The following BMP5 variants were observed in gnomAD, a reference collection of about 807,000 sequenced individuals.
BMP5 encodes bone morphogenetic protein 5.
BMP5 carries 23 observed loss-of-function variants against 46.6 expected under a neutral mutation model. The observed-to-expected ratio is 0.49, with a 90% CI of 0.35 to 0.70. The LOEUF (loss-of-function observed/expected upper bound fraction) is 0.70, where lower values mean the gene tolerates loss of function less well. Among genes scored for constraint, BMP5 ranks in the 30% least tolerant of loss-of-function variants. BMP5 has a pLI of 0.00. For synonymous variants in BMP5, 204 were observed against 191.9 expected (o/e 1.06, Z -0.52); for missense variants, 545 against 565.6 (o/e 0.96, Z 0.37).
intron 3 of BMP5, among the ~76,000 whole-genome samples, chr6:55,782,025 GA>G (rs940633902): frequency 2.0e-4 from 30 of 149,540 alleles, no homozygotes; most frequent in African/African-American, 6.1e-4. Context: ...TAAAGAAAGT[GA>G]AAAAAAAAGT....
At chr6:55,762,156 CTTGTG>C (rs1340631167) in intron 4 of BMP5, among the ~76,000 whole-genome samples, 3 of 152,010 alleles carry the variant, frequency 2.0e-5, no homozygotes, top group East Asian at 3.9e-4. Flanking sequence ...TCATTCTTGT[CTTGTG>C]TTGGGTTTGC....
chr6:55,862,262 A>G (rs1777541377), intron 1 of BMP5, among the ~76,000 whole-genome samples: 1 of 152,228 alleles, frequency 6.6e-6, no homozygotes, highest in South Asian at 2.1e-4. Context: ...ACCAGGAAAG[A>G]GTAAGGAAGT....
chr6:55,756,626 T>TA (rs564555761), intron 6 of BMP5, among the ~76,000 whole-genome samples: 7 of 151,898 alleles, frequency 4.6e-5, no homozygotes, highest in Non-Finnish European at 1.0e-4. Flanking sequence ...TACAGCCTCT[T>TA]ACAGTTTTGG....
intron 2 of BMP5, among the ~76,000 whole-genome samples, 157 bp from the exon 3 acceptor site, chr6:55,794,584 A>C (rs1027107235): frequency 5.3e-5 from 8 of 152,378 alleles, no homozygotes; most frequent in African/African-American, 1.9e-4. Flanking sequence ...GTAATAAGAT[A>C]CAAAACCTTT....
intron 2 of BMP5, among the ~76,000 whole-genome samples, chr6:55,799,666 A>T (rs1775797044): frequency 6.6e-6 from 1 of 152,176 alleles, no homozygotes; most frequent in Non-Finnish European, 1.5e-5. Flanking sequence ...TTCTGCCTTT[A>T]GGTCAAACAA....
intron 1 of BMP5, among the ~76,000 whole-genome samples, chr6:55,858,010 T>A (rs1777440382): frequency 1.3e-5 from 2 of 152,356 alleles, no homozygotes; most frequent in African/African-American, 4.8e-5. Context: ...AGTGCTGGGA[T>A]GACAGGCATG....
chr6:55,788,173 A>T (rs572532439), intron 3 of BMP5, among the ~76,000 whole-genome samples: 13 of 151,782 alleles, frequency 8.6e-5, no homozygotes, highest in African/African-American at 1.4e-4. Flanking sequence ...TTTTATGCTA[A>T]TGTTGGCCAG....
At chr6:55,859,152 A>G (rs144402437) in intron 1 of BMP5, among the ~76,000 whole-genome samples, 1 of 152,340 alleles carries the variant, frequency 6.6e-6, no homozygotes, top group East Asian at 1.9e-4. Context: ...AAAGTTTAAA[A>G]AGGTATAGGA....
chr6:55,769,441 T>C (rs1774995635), intron 4 of BMP5, among the ~76,000 whole-genome samples: 1 of 151,932 alleles, frequency 6.6e-6, no homozygotes, highest in African/African-American at 2.4e-5. Context: ...TATTATGAGA[T>C]TGCAGCAATC....
At position 55,834,430 on chromosome 6, in the gene BMP5, G is replaced by A. The variant is rs112477585; in HGVS notation, c.491-14583C>T. ...GATATTCATGTATGTAACATGCCTT[G>A]CCTCTTATCTCTGACATAGAAGGCC... On this transcript the variant is annotated intron_variant, in intron 1 of 6. Coordinates refer to ENST00000370830, the MANE Select transcript of BMP5 (RefSeq NM_021073.4). 7.9e-3 allele frequency among the ~76,000 whole-genome samples: 1,204 copies of A among 152,028 alleles called. 16 individuals carry two copies. Among genetic ancestry groups the A allele is most frequent in the African/African-American group, 0.028 (1,154 of 41,452 alleles).
intron 1 of BMP5, among the ~76,000 whole-genome samples, chr6:55,847,431 G>T (rs1777124168): frequency 6.6e-6 from 1 of 151,848 alleles, no homozygotes; most frequent in Non-Finnish European, 1.5e-5. Flanking sequence ...AGTAATGTAG[G>T]CATACAACAG....
chr6:55,848,541 G>C (rs1777150854), intron 1 of BMP5, among the ~76,000 whole-genome samples: 1 of 151,926 alleles, frequency 6.6e-6, no homozygotes, highest in South Asian at 2.1e-4. Context: ...TATCTCATTT[G>C]CTGCTGTAAC....
intron 2 of BMP5, among the ~76,000 whole-genome samples, chr6:55,813,061 A>G (rs967145748): frequency 2.6e-5 from 4 of 152,144 alleles, no homozygotes; most frequent in African/African-American, 9.6e-5. Context: ...ATTTATCTTC[A>G]TTTCCTATGA....
intron 2 of BMP5, among the ~76,000 whole-genome samples, chr6:55,808,764 T>A (rs551679379): frequency 1.5e-4 from 23 of 152,296 alleles, no homozygotes; most frequent in Admixed American, 3.9e-4. Flanking sequence ...ACCCCACTGC[T>A]CTTCCTTCCT....
chr6:55,827,311 T>A (rs1296463533), intron 1 of BMP5, among the ~76,000 whole-genome samples: 3 of 151,750 alleles, frequency 2.0e-5, no homozygotes, highest in African/African-American at 7.2e-5. Flanking sequence ...GGTAAATTAA[T>A]CATTTGGTAT....
At chr6:55,764,734 AG>A (rs954098002) in intron 4 of BMP5, among the ~76,000 whole-genome samples, 6 of 151,496 alleles carry the variant, frequency 4.0e-5, no homozygotes, top group Admixed American at 2.0e-4. Flanking sequence ...AAAAAAAAAA[AG>A]ATCTCCTGAA....
intron 4 of BMP5, among the ~76,000 whole-genome samples, chr6:55,773,243 T>C (rs1398645042): frequency 2.0e-5 from 3 of 151,878 alleles, no homozygotes; most frequent in Non-Finnish European, 4.4e-5. Context: ...CAGGATGAGT[T>C]CCCCCTTCAA....
chr6:55,849,324 C>A (rs2023580), intron 1 of BMP5, among the ~76,000 whole-genome samples: 1 of 151,876 alleles, frequency 6.6e-6, no homozygotes, highest in Admixed American at 6.6e-5. Flanking sequence ...TATGTATGTG[C>A]GTACCTACAC....
At chr6:55,770,532 C>T (rs1009532070) in intron 4 of BMP5, among the ~76,000 whole-genome samples, 8 of 151,810 alleles carry the variant, frequency 5.3e-5, no homozygotes, top group African/African-American at 1.4e-4. Context: ...AGCAAGAAAA[C>T]GATTTCGCTT....
Sources: allele counts gnomAD v4.1 joint callset (sites outside exome capture counted in the v4.1 genomes callset), GRCh38; gene constraint gnomAD v4.1.1; transcripts MANE v1.5; gene names NCBI Gene and HGNC (gene_info 2026-07-23, HGNC 2026-07-21).